Variants in TCF3 observed in about 807,000 individuals in gnomAD.
TCF3 encodes transcription factor 3, also known as transcription factor E2-alpha.
TCF3 carries 54 observed loss-of-function variants against 72.3 expected under a neutral mutation model. The observed-to-expected ratio is 0.75, with a 90% confidence interval of 0.60 to 0.94. The LOEUF is 0.94. Ranked by LOEUF, TCF3 falls within the 40% of genes least tolerant of loss-of-function variation. The pLI, the probability that TCF3 is intolerant of heterozygous loss-of-function variation, is 0.00. For synonymous variants in TCF3, 525 were observed against 412.6 expected, an observed-to-expected ratio of 1.27 and a Z score of -3.30; for missense variants, 1,078 against 934.4, an observed-to-expected ratio of 1.15 and a Z score of -2.00.
At chr19:1,617,981 T>A (rs926468815) in intron 16 of TCF3, among the ~76,000 whole-genome samples, 1 of 152,130 alleles carries the variant, frequency 6.6e-6, no homozygotes, top group Non-Finnish European at 1.5e-5. Context: ...ACTTGGAAAG[T>A]CTGCCTGGAA....
intron 16 of TCF3, among the ~76,000 whole-genome samples, chr19:1,617,516 G>A (rs1243076449): frequency 6.6e-6 from 1 of 152,238 alleles, no homozygotes; most frequent in African/African-American, 2.4e-5. Context: ...CCCAAAACCC[G>A]GGCTTGGGGA....
intron 3 of TCF3, among the ~76,000 whole-genome samples, chr19:1,633,237 A>C (rs1568441727): frequency 6.6e-6 from 1 of 152,172 alleles, no homozygotes; most frequent in Non-Finnish European, 1.5e-5. Context: ...GAGAAGCAGG[A>C]GCGGGCCCTG....
At position 1,611,444 on chromosome 19, in the gene TCF3, TCA is replaced by T; in HGVS notation, c.*261_*262del. On this transcript the variant is annotated 3_prime_UTR_variant, in exon 19 of 19. Coordinates refer to ENST00000262965, the MANE Select transcript of TCF3 (RefSeq NM_003200.5). ...GCAGTTTCAGGATCCATGGGACAGG[TCA>T]CAGAGTGACACGGTGGCTGAGATTC... 2.2e-6 allele frequency: 1 copy of T among 455,500 alleles called. No individual in the cohort carries two copies. The highest frequency in any genetic ancestry group is 3.8e-6 in the Non-Finnish European group (1 of 260,702). The allele number at this position is 455,500 out of a possible 1,614,324, so 28.2% of individuals were successfully genotyped here.
intron 18 of TCF3, chr19:1,612,226 C>T: frequency 1.3e-6 from 2 of 1,592,040 alleles, no homozygotes; most frequent in Non-Finnish European, 1.7e-6. Context: ...GCTGCTCCAG[C>T]CCCAGGATGA....
chr19:1,629,121 G>A (rs533649774), intron 5 of TCF3, among the ~76,000 whole-genome samples: 5 of 151,554 alleles, frequency 3.3e-5, no homozygotes, highest in South Asian at 2.1e-4. Context: ...GAGGCGGGAA[G>A]GGGACAGCAG....
intron 3 of TCF3, among the ~76,000 whole-genome samples, chr19:1,641,075 AGGAGGCGGAGGC>A (rs768267885): frequency 8.8e-5 from 13 of 147,970 alleles, no homozygotes; most frequent in African/African-American, 2.3e-4. Context: ...GTTTGAACTC[AGGAGGCGGAGGC>A]GGAGGCGGAG....
Position 1,619,038 on chromosome 19 carries a change from C to A in TCF3, c.1450+73G>T, listed in dbSNP as rs542047993. On this transcript the variant is annotated intron_variant, in intron 16 of 18. Coordinates refer to ENST00000262965, the MANE Select transcript of TCF3 (RefSeq NM_003200.5). ...CACCTGCCCTGGGCTCCCACCCTGA[C>A]CCCCACCACTAGAGTGCCTCAGTTT... 421 of 1,592,418 alleles carry A rather than the reference C, an allele frequency of 2.6e-4. 1 individual carries two copies. Among genetic ancestry groups the A allele is most frequent in the Middle Eastern group, 1.5e-3 (8 of 5,456 alleles).
chr19:1,642,071 G>A (rs1469501710), intron 3 of TCF3, among the ~76,000 whole-genome samples: 1 of 150,986 alleles, frequency 6.6e-6, no homozygotes, highest in African/African-American at 2.4e-5. Flanking sequence ...TACAGATGAA[G>A]AACAGATTGG....
rs951283679 is a variant in TCF3, at chr19:1,614,117, T to G, written c.1822+1168A>C. Among the ~76,000 whole-genome samples, 2 of 152,094 alleles carry G rather than the reference T, an allele frequency of 1.3e-5. No individual in the cohort carries two copies. Among genetic ancestry groups the G allele is most frequent in the South Asian group, 4.1e-4 (2 of 4,828 alleles). ...GGGCACCCACTGCTCTAGGTTGTGG[T>G]GAAGATGAAATGGGTGAAGGTCTGG... On this transcript the variant is annotated intron_variant, in intron 18 of 18. Transcript: ENST00000262965. This position sits in a 1 kb window ranked among gnomAD's most constrained non-coding sequence, Gnocchi z 5.6.
rs549999710 is a variant in TCF3, at chr19:1,624,306, G to C, written c.500-306C>G. ...AGCTACTCGGGAGGCCGAGGCAGGA[G>C]AATCACTTGAACCCGGGAGGCAGAG... On this transcript the variant is annotated intron_variant, in intron 7 of 18. Coordinates refer to ENST00000262965, the MANE Select transcript of TCF3 (RefSeq NM_003200.5). Among the ~76,000 whole-genome samples, 50 of 152,286 alleles carry C rather than the reference G, an allele frequency of 3.3e-4. 1 individual carries two copies. The South Asian group carries it at 7.5e-3, about 23-fold the overall frequency.
intron 1 of TCF3, 58 bp from the exon 2 acceptor site, chr19:1,650,345 G>C (rs2066821665): frequency 7.7e-7 from 1 of 1,303,586 alleles, no homozygotes; most frequent in South Asian, 1.3e-5. Context: ...GAGAAGAGTT[G>C]TGAGTGGTCA....
rs2067291006 is a variant in TCF3 at position 1,652,614 on chromosome 19, C to T, written c.-354G>A. The T allele has an allele frequency of 6.8e-6, 1 of 147,826 alleles. No individual in the cohort carries two copies. Among genetic ancestry groups the T allele is most frequent in the African/African-American group, 2.5e-5 (1 of 40,748 alleles). The allele number at this position is 147,826 out of a possible 1,614,324, so 9.2% of individuals were successfully genotyped here. On this transcript the variant is annotated 5_prime_UTR_variant, in exon 1 of 19. Transcript: ENST00000262965. ...ATCTTCCTGCGGCGGGAGACATGTT[C>T]CGCCCCCCGCCCGCGCCGCCCCGCC...
chr19:1,625,922 A>G (rs1007123380), intron 6 of TCF3, among the ~76,000 whole-genome samples: 2 of 152,204 alleles, frequency 1.3e-5, no homozygotes, highest in Non-Finnish European at 2.9e-5. Context: ...ACGAAGAACG[A>G]AAGACTGAGA....
intron 3 of TCF3, among the ~76,000 whole-genome samples, chr19:1,635,408 T>C (rs2064258874): frequency 6.6e-6 from 1 of 151,918 alleles, no homozygotes; most frequent in African/African-American, 2.4e-5. Flanking sequence ...CCCTCTACCC[T>C]CTCTCATGGC....
At chr19:1,628,520 C>T (rs1196471183) in intron 5 of TCF3, among the ~76,000 whole-genome samples, 1 of 5,604 alleles carries the variant, frequency 1.8e-4, no homozygotes, top group Non-Finnish European at 2.5e-4. Context: ...AAGGGGACAG[C>T]AGAGCTCACG....
At chr19:1,641,362 A>G (rs1053289026) in intron 3 of TCF3, among the ~76,000 whole-genome samples, 1 of 152,198 alleles carries the variant, frequency 6.6e-6, no homozygotes, top group Admixed American at 6.5e-5. Context: ...CACACATGTA[A>G]TCACAGCACT....
chr19:1,643,009 A>G (rs895202421), intron 3 of TCF3, among the ~76,000 whole-genome samples: 3 of 152,228 alleles, frequency 2.0e-5, no homozygotes, highest in Admixed American at 6.5e-5. Context: ...TGGTCCGTCA[A>G]TAAGCAATTT....
chr19:1,634,255 G>A (rs568688044), intron 3 of TCF3, among the ~76,000 whole-genome samples: 1 of 152,338 alleles, frequency 6.6e-6, no homozygotes, highest in South Asian at 2.1e-4. Flanking sequence ...AACCCACCAT[G>A]AATATTCATA....
At chr19:1,623,589 G>A (rs1212232596) in intron 8 of TCF3, among the ~76,000 whole-genome samples, 2 of 152,050 alleles carry the variant, frequency 1.3e-5, no homozygotes, top group Admixed American at 6.6e-5. Context: ...TCACCATGTT[G>A]ACTAGGCTGA....
Sources: allele counts gnomAD v4.1 joint callset (sites outside exome capture counted in the v4.1 genomes callset), GRCh38; gene constraint gnomAD v4.1.1; non-coding constraint Gnocchi (gnomAD v3.1); transcripts MANE v1.5; gene names NCBI Gene and HGNC (gene_info 2026-07-23, HGNC 2026-07-21).